Variants in PTPRD observed in about 807,000 individuals in gnomAD.
PTPRD encodes the protein receptor-type tyrosine-protein phosphatase delta.
PTPRD carries 34 observed loss-of-function variants against 214.5 expected under a neutral mutation model. That is an observed-to-expected ratio of 0.16 (90% CI 0.12 to 0.21). The LOEUF is 0.21. Among genes scored for constraint, PTPRD ranks in the 10% least tolerant of loss-of-function variants. PTPRD has a pLI of 1.00. For synonymous variants in PTPRD, 1,128 were observed against 845.7 expected, an observed-to-expected ratio of 1.33 and a Z score of -5.79; for missense variants, 2,545 against 2,398.7, an observed-to-expected ratio of 1.06 and a Z score of -1.27.
intron 14 of PTPRD, among the ~76,000 whole-genome samples, chr9:8,587,195 T>C (rs998745936): frequency 6.6e-6 from 1 of 152,162 alleles, no homozygotes; most frequent in African/African-American, 2.4e-5. Context: ...CCTAGAAATA[T>C]TAAGAGACCA....
chr9:9,978,025 A>T (rs1434799914), intron 4 of PTPRD, among the ~76,000 whole-genome samples: 1 of 152,148 alleles, frequency 6.6e-6, no homozygotes, highest in Non-Finnish European at 1.5e-5. Flanking sequence ...AGTCAAAGAG[A>T]ACTATCAAAG....
At chr9:8,438,862 T>C (rs975184745) in intron 34 of PTPRD, 5 of 152,080 alleles carry the variant, frequency 3.3e-5, no homozygotes, top group East Asian at 1.9e-4. Context: ...AAAGTATTAG[T>C]ATAACAGCAG....
intron 5 of PTPRD, among the ~76,000 whole-genome samples, chr9:9,771,239 GTCAATGTTTTATATCATTTC>G (rs1375845196): frequency 1.3e-5 from 2 of 152,054 alleles, no homozygotes; most frequent in African/African-American, 4.8e-5. Flanking sequence ...TACACATAGA[GTCAATGTTTTATATCATTTC>G]TCATCACTGT....
At chr9:9,444,470 C>T (rs1015747407) in intron 8 of PTPRD, among the ~76,000 whole-genome samples, 1 of 152,162 alleles carries the variant, frequency 6.6e-6, no homozygotes, top group Non-Finnish European at 1.5e-5. Context: ...CCTAGCATGG[C>T]ATTTTAGAGT....
rs1259398725 is a variant in PTPRD, at chr9:10,381,754, A to C, written c.-599-40737T>G. On this transcript the variant is annotated intron_variant, in intron 2 of 45. Coordinates refer to ENST00000381196, the MANE Select transcript of PTPRD (RefSeq NM_002839.4). ...GCTCTGTGTGACTTTTATATATTAT[A>C]TTTGTGTAGCACTAGTGTGGAGGAA... Among the ~76,000 whole-genome samples, 7 of 151,850 alleles carry C rather than the reference A, an allele frequency of 4.6e-5. No homozygotes were observed. In the East Asian group the frequency reaches 1.4e-3, roughly 30 times the overall value.
chr9:8,381,998 A>G (rs908992594), intron 37 of PTPRD, among the ~76,000 whole-genome samples: 1 of 151,952 alleles, frequency 6.6e-6, no homozygotes, highest in African/African-American at 2.4e-5. Flanking sequence ...CTCAGACCTA[A>G]TCACTCCTGA....
intron 4 of PTPRD, among the ~76,000 whole-genome samples, chr9:9,989,147 T>C (rs1411632821): frequency 6.6e-6 from 1 of 151,890 alleles, no homozygotes; most frequent in Admixed American, 6.6e-5. Flanking sequence ...ATTTTTTTCA[T>C]ATTTCTTACA....
intron 2 of PTPRD, among the ~76,000 whole-genome samples, chr9:10,465,044 C>A (rs558882571): frequency 3.2e-4 from 49 of 151,972 alleles, no homozygotes; most frequent in African/African-American, 1.1e-3. Context: ...AAAGACAGAG[C>A]AAATAAAAAT....
intron 12 of PTPRD, among the ~76,000 whole-genome samples, chr9:8,691,249 T>G (rs903225166): frequency 6.6e-6 from 1 of 152,114 alleles, no homozygotes; most frequent in African/African-American, 2.4e-5. Context: ...ACATTTTGAT[T>G]AAAGAGGTCG....
At chr9:10,257,388 G>A (rs1450538699) in intron 3 of PTPRD, among the ~76,000 whole-genome samples, 1 of 152,156 alleles carries the variant, frequency 6.6e-6, no homozygotes, top group Non-Finnish European at 1.5e-5. Context: ...CAGGGGCTAT[G>A]GCAAACCAGG....
At chr9:9,453,918 T>A (rs1328808664) in intron 8 of PTPRD, among the ~76,000 whole-genome samples, 1 of 151,854 alleles carries the variant, frequency 6.6e-6, no homozygotes, top group East Asian at 1.9e-4. Flanking sequence ...AGTATATTAC[T>A]CTACATGAGA....
chr9:10,146,378 T>C (rs1334837935), intron 3 of PTPRD, among the ~76,000 whole-genome samples: 6 of 152,028 alleles, frequency 3.9e-5, no homozygotes, highest in South Asian at 2.1e-4. Flanking sequence ...CCCTGTCCTA[T>C]ATAAATTACA....
At chr9:10,062,653 T>C (rs908079971) in intron 3 of PTPRD, among the ~76,000 whole-genome samples, 6 of 151,942 alleles carry the variant, frequency 3.9e-5, no homozygotes, top group Non-Finnish European at 8.8e-5. Flanking sequence ...TACAACAGAG[T>C]TGTTAAGTAG....
intron 7 of PTPRD, among the ~76,000 whole-genome samples, chr9:9,652,414 A>G (rs1354101689): frequency 6.6e-6 from 1 of 152,178 alleles, no homozygotes; most frequent in African/African-American, 2.4e-5. Context: ...CTACATAATG[A>G]AACGTAGGAA....
chr9:9,805,870 C>T (rs2099069959), intron 5 of PTPRD, among the ~76,000 whole-genome samples: 1 of 152,010 alleles, frequency 6.6e-6, no homozygotes, highest in Non-Finnish European at 1.5e-5. Context: ...TAACAGACTT[C>T]TGTAAGAAGA....
At chr9:9,769,674 C>G (rs1158940605) in intron 5 of PTPRD, among the ~76,000 whole-genome samples, 1 of 151,990 alleles carries the variant, frequency 6.6e-6, no homozygotes, top group African/African-American at 2.4e-5. Context: ...GTTTGTTACA[C>G]AGGTATATAT....
intron 12 of PTPRD, among the ~76,000 whole-genome samples, chr9:8,691,181 T>G (rs746331027): frequency 7.9e-5 from 12 of 152,096 alleles, no homozygotes; most frequent in Admixed American, 5.2e-4. Flanking sequence ...TTCTAAAATA[T>G]GTACTAACTC....
rs1031225235 is a variant in PTPRD at position 10,246,958 on chromosome 9, G to A, written c.-545+94005C>T. On this transcript the variant is annotated intron_variant, in intron 3 of 45. Coordinates refer to ENST00000381196, the MANE Select transcript of PTPRD (RefSeq NM_002839.4). ...AATAATAAAACAAATAAAATAAAATGTCTTAAGGCAGTTAATACTGGTAGA... is the reference window on the plus strand; with the variant it reads ...AATAATAAAACAAATAAAATAAAATATCTTAAGGCAGTTAATACTGGTAGA... 4.0e-5 allele frequency among the ~76,000 whole-genome samples: 6 copies of A among 151,566 alleles called. No homozygotes were observed. The South Asian group carries it at 1.2e-3, about 32-fold the overall frequency.
At chr9:10,517,064 T>C (rs568546806) in intron 2 of PTPRD, among the ~76,000 whole-genome samples, 1 of 152,104 alleles carries the variant, frequency 6.6e-6, no homozygotes, top group African/African-American at 2.4e-5. Flanking sequence ...CATTTGTAAT[T>C]CCACAAAAAA....
Sources: allele counts gnomAD v4.1 joint callset (sites outside exome capture counted in the v4.1 genomes callset), GRCh38; gene constraint gnomAD v4.1.1; transcripts MANE v1.5; gene names NCBI Gene and HGNC (gene_info 2026-07-23, HGNC 2026-07-21).